The following MAGI2 variants were observed in gnomAD, a reference collection of about 807,000 sequenced individuals.
MAGI2 encodes the protein membrane associated guanylate kinase, WW and PDZ domain containing 2, also known as membrane-associated guanylate kinase, WW and PDZ domain-containing protein 2.
Under a neutral mutation model 133.3 loss-of-function variants are expected in MAGI2, and 35 were observed. The ratio of observed to expected loss-of-function variants is 0.26; its 90% confidence interval spans 0.20 to 0.35. The LOEUF (loss-of-function observed/expected upper bound fraction) is 0.35. Ranked by LOEUF, MAGI2 falls within the 10% of genes least tolerant of loss-of-function variation. MAGI2 has a pLI of 1.00. For synonymous variants in MAGI2, 729 were observed against 710.6 expected (o/e 1.03, Z -0.41); for missense variants, 1,636 against 1,863.4 (o/e 0.88, Z 2.25).
chr7:79,000,011 T>C (rs762703320), intron 2 of MAGI2, among the ~76,000 whole-genome samples: 5 of 152,204 alleles, frequency 3.3e-5, no homozygotes, highest in Non-Finnish European at 7.4e-5. Flanking sequence ...GATTCTTATT[T>C]GAGGCAATAA....
chr7:78,589,938 T>C (rs1009326752), intron 3 of MAGI2, among the ~76,000 whole-genome samples: 2 of 152,188 alleles, frequency 1.3e-5, no homozygotes, highest in Non-Finnish European at 2.9e-5. Context: ...TTCTGGCAGT[T>C]TGCTTGGTTC....
intron 10 of MAGI2, among the ~76,000 whole-genome samples, chr7:78,248,666 GGTGCT>G (rs1792052033): frequency 1.3e-5 from 2 of 152,030 alleles, no homozygotes; most frequent in Admixed American, 1.3e-4. Context: ...CTTTATAAAT[GGTGCT>G]GTGAAAATTG....
rs752791184 is a variant in MAGI2 at position 79,266,832 on chromosome 7, C to T, written c.301+186188G>A. 2.6e-5 allele frequency among the ~76,000 whole-genome samples: 4 copies of T among 152,110 alleles called. No individual in the cohort carries two copies. In the South Asian group the frequency reaches 6.2e-4, roughly 24 times the overall value. ...TGACAGACACCCCCCCAAAGCAAGC[C>T]AGAGTCAAACAATGCTTTGGTTCCC... is the stretch of plus-strand genomic sequence containing the variant. On this transcript the variant is annotated intron_variant, in intron 1 of 21. Transcript: ENST00000354212.
At chr7:79,429,532 T>C (rs1056570284) in intron 1 of MAGI2, among the ~76,000 whole-genome samples, 3 of 152,198 alleles carry the variant, frequency 2.0e-5, no homozygotes, top group African/African-American at 7.2e-5. Context: ...CTCGAACTCC[T>C]GGCCTCAAGT....
intron 1 of MAGI2, among the ~76,000 whole-genome samples, chr7:79,018,550 C>T (rs1808975269): frequency 6.6e-6 from 1 of 152,190 alleles, no homozygotes; most frequent in Non-Finnish European, 1.5e-5. Context: ...CATATCAACA[C>T]TAACCTTGAA....
chr7:78,389,478 C>G (rs896805731), intron 6 of MAGI2, among the ~76,000 whole-genome samples: 1 of 152,078 alleles, frequency 6.6e-6, no homozygotes, highest in Non-Finnish European at 1.5e-5. Flanking sequence ...GTTAGGTGCT[C>G]AACACGGACA....
chr7:78,489,495 G>A (rs903248870), intron 6 of MAGI2, among the ~76,000 whole-genome samples: 2 of 152,034 alleles, frequency 1.3e-5, no homozygotes, highest in Non-Finnish European at 2.9e-5. Flanking sequence ...CTTAGTAGGT[G>A]GTGGAAAGTC....
chr7:78,136,798 G>A lies in MAGI2; in HGVS notation c.2846-1592C>T, dbSNP rs182377453. 3.9e-5 allele frequency among the ~76,000 whole-genome samples: 6 copies of A among 152,322 alleles called. 1 individual carries two copies. The highest frequency in any genetic ancestry group is 2.6e-4 in the Admixed American group (4 of 15,308). On this transcript the variant is annotated intron_variant, in intron 16 of 21. Transcript: ENST00000354212. ...CTCAATCTTGCACATGCTTTACAGCGAAAGGCAGAACATTAGCTAATAACC... is the reference window on the plus strand; with the variant it reads ...CTCAATCTTGCACATGCTTTACAGCAAAAGGCAGAACATTAGCTAATAACC...
chr7:78,822,104 C>A (rs1394462865), intron 2 of MAGI2, among the ~76,000 whole-genome samples: 2 of 151,992 alleles, frequency 1.3e-5, no homozygotes, highest in Non-Finnish European at 2.9e-5. Flanking sequence ...CTATTTTATT[C>A]TATCCTGACT....
intron 21 of MAGI2, among the ~76,000 whole-genome samples, chr7:78,046,152 T>C (rs539754786): frequency 1.3e-5 from 2 of 151,626 alleles, no homozygotes; most frequent in Admixed American, 1.3e-4. Flanking sequence ...TCCCAGCACT[T>C]TGGGAGGCCA....
intron 1 of MAGI2, among the ~76,000 whole-genome samples, chr7:79,428,449 G>A (rs915886101): frequency 6.6e-6 from 1 of 152,100 alleles, no homozygotes; most frequent in Non-Finnish European, 1.5e-5. Context: ...GTACCTTCAT[G>A]ACCACTGTTG....
At chr7:78,767,463 G>A (rs537934298) in intron 2 of MAGI2, among the ~76,000 whole-genome samples, 9 of 152,012 alleles carry the variant, frequency 5.9e-5, no homozygotes, top group Non-Finnish European at 1.2e-4. Flanking sequence ...GACAGTAGAA[G>A]AAAAATGTTC....
intron 1 of MAGI2, chr7:79,343,460 T>A (rs1841059412): frequency 6.6e-6 from 1 of 152,120 alleles, no homozygotes. Context: ...ATTTGACACT[T>A]TGCATCTAAG....
intron 2 of MAGI2, among the ~76,000 whole-genome samples, chr7:78,925,499 C>T (rs540679102): frequency 6.6e-6 from 1 of 152,030 alleles, no homozygotes; most frequent in South Asian, 2.1e-4. Flanking sequence ...ACCTCGAATC[C>T]AATAGGTCTC....
chr7:78,289,460 C>T (rs1796475873), intron 9 of MAGI2, among the ~76,000 whole-genome samples: 1 of 151,926 alleles, frequency 6.6e-6, no homozygotes, highest in South Asian at 2.1e-4. Flanking sequence ...GTGAAAAGAC[C>T]AACTCTACAT....
At chr7:79,438,039 T>C (rs1050679393) in intron 1 of MAGI2, among the ~76,000 whole-genome samples, 14 of 152,290 alleles carry the variant, frequency 9.2e-5, no homozygotes, top group Middle Eastern at 3.4e-3. Context: ...TTTCCACTCT[T>C]GATCTCTTCT....
intron 1 of MAGI2, among the ~76,000 whole-genome samples, chr7:79,102,835 T>A (rs1454541324): frequency 6.6e-6 from 1 of 152,200 alleles, no homozygotes; most frequent in Non-Finnish European, 1.5e-5. Context: ...AATACTAATC[T>A]AGGTGTTGCT....
intron 12 of MAGI2, among the ~76,000 whole-genome samples, chr7:78,187,029 C>T (rs1827760070): frequency 6.6e-6 from 1 of 152,112 alleles, no homozygotes; most frequent in South Asian, 2.1e-4. Context: ...TGCTGAGTTA[C>T]TTCTATCTGA....
intron 6 of MAGI2, among the ~76,000 whole-genome samples, chr7:78,467,726 G>A (rs1189614055): frequency 1.3e-5 from 2 of 152,070 alleles, no homozygotes; most frequent in African/African-American, 2.4e-5. Flanking sequence ...ATATATGTGT[G>A]AAATGACTTA....
Sources: gnomAD v4.1 joint callset for allele counts (sites outside exome capture counted in the v4.1 genomes callset) on GRCh38, gnomAD v4.1.1 for gene constraint, MANE v1.5 for transcripts, NCBI Gene and HGNC (gene_info 2026-07-23, HGNC 2026-07-21) for gene names.